Variants in PABPC4L observed in about 807,000 individuals in gnomAD.
PABPC4L encodes poly(A) binding protein cytoplasmic 4 like, also known as polyadenylate-binding protein 4-like.
For synonymous variants in PABPC4L, 169 were observed against 164.1 expected, an observed-to-expected ratio of 1.03 and a Z score of -0.23; for missense variants, 452 against 451.4, an observed-to-expected ratio of 1.00 and a Z score of -0.01.
the PABPC4L span, among the ~76,000 whole-genome samples, chr4:133,951,341 A>C: frequency 6.6e-6 from 1 of 152,298 alleles, no homozygotes; most frequent in Admixed American, 6.5e-5. Context: ...TCTGTTGTTA[A>C]GACCAAATCA....
chr4:134,101,939 A>G, the PABPC4L span, among the ~76,000 whole-genome samples: 22 of 151,572 alleles, frequency 1.5e-4, no homozygotes, highest in African/African-American at 5.3e-4. Context: ...ATATGTCACC[A>G]TATTACTATC....
the PABPC4L span, among the ~76,000 whole-genome samples, chr4:134,180,923 T>C: frequency 6.6e-6 from 1 of 151,684 alleles, no homozygotes; most frequent in Non-Finnish European, 1.5e-5. Context: ...AGGGCCAGAA[T>C]AATCCATAAC....
At chr4:134,021,823 T>C in the PABPC4L span, among the ~76,000 whole-genome samples, 1 of 152,134 alleles carries the variant, frequency 6.6e-6, no homozygotes, top group Non-Finnish European at 1.5e-5. Flanking sequence ...GACATTTTTT[T>C]CTGCCTTTGG....
the PABPC4L span, among the ~76,000 whole-genome samples, chr4:134,035,914 T>C: frequency 1.3e-5 from 2 of 152,068 alleles, no homozygotes; most frequent in African/African-American, 4.8e-5. Context: ...CTTTAAATTA[T>C]ATGGCCTTAT....
In PABPC4L at chr4:134,198,076, G is replaced by T. The variant is rs1729721889; in HGVS notation, c.*1831C>A. On this transcript the variant is annotated 3_prime_UTR_variant, in exon 2 of 2. Coordinates refer to ENST00000421491, the MANE Select transcript of PABPC4L (RefSeq NM_001114734.2). ...CTAGCAACAAGAAGTTTATCAATAAGAAATTAGTTATATTTTGGTACAGTC... is the reference window on the plus strand; with the variant it reads ...CTAGCAACAAGAAGTTTATCAATAATAAATTAGTTATATTTTGGTACAGTC... The T allele has an allele frequency of 1.3e-5, 2 of 151,656 alleles. No individual in the cohort carries two copies. Among genetic ancestry groups the T allele is most frequent in the African/African-American group, 4.8e-5 (2 of 41,400 alleles). The allele number at this position is 151,656 out of a possible 1,614,324, so 9.4% of individuals were successfully genotyped here.
the PABPC4L span, among the ~76,000 whole-genome samples, chr4:134,024,923 ATTTTTT>A: frequency 6.7e-4 from 86 of 128,488 alleles, no homozygotes; most frequent in Non-Finnish European, 1.3e-3. Flanking sequence ...TAATTATGTA[ATTTTTT>A]TTTTTTTTTT....
chr4:133,969,610 T>C, the PABPC4L span, among the ~76,000 whole-genome samples: 3 of 152,188 alleles, frequency 2.0e-5, no homozygotes, highest in Non-Finnish European at 4.4e-5. Context: ...ACTGCATCAA[T>C]GTGGTCACAG....
the PABPC4L span, among the ~76,000 whole-genome samples, chr4:134,045,132 CATT>C: frequency 2.0e-5 from 3 of 152,070 alleles, no homozygotes; most frequent in Non-Finnish European, 4.4e-5. Context: ...ACTTTACTAA[CATT>C]ATGCATTTCT....
the PABPC4L span, among the ~76,000 whole-genome samples, chr4:134,179,216 T>C: frequency 7.9e-5 from 12 of 152,070 alleles, no homozygotes; most frequent in African/African-American, 2.7e-4. Context: ...AGAAACTCTA[T>C]GAGCCAGATA....
chr4:134,185,666 A>G, the PABPC4L span, among the ~76,000 whole-genome samples: 1 of 152,132 alleles, frequency 6.6e-6, no homozygotes, highest in African/African-American at 2.4e-5. Flanking sequence ...TATTCAACAT[A>G]GTGTTGGAAG....
chr4:134,175,105 T>C, the PABPC4L span, among the ~76,000 whole-genome samples: 6 of 152,144 alleles, frequency 3.9e-5, no homozygotes, highest in Admixed American at 3.9e-4. Flanking sequence ...CTTCAGAACA[T>C]AGTAAAACAT....
the PABPC4L span, among the ~76,000 whole-genome samples, chr4:133,951,698 G>T: frequency 0.19 from 28,641 of 152,074 alleles, 3,154 homozygotes; most frequent in Middle Eastern, 0.26. Flanking sequence ...ACTGGGGTTG[G>T]GATGAGGGCT....
the PABPC4L span, among the ~76,000 whole-genome samples, chr4:134,112,606 C>A: frequency 4.8e-5 from 7 of 145,602 alleles, no homozygotes; most frequent in African/African-American, 1.9e-4. Flanking sequence ...ATCTATCTAT[C>A]TATCTATCTA....
chr4:134,143,274 C>T, the PABPC4L span, among the ~76,000 whole-genome samples: 1 of 149,534 alleles, frequency 6.7e-6, no homozygotes, highest in Non-Finnish European at 1.5e-5. Flanking sequence ...AATAAGCATA[C>T]TAAATATAAT....
the PABPC4L span, among the ~76,000 whole-genome samples, chr4:134,084,949 G>A: frequency 2.6e-5 from 4 of 152,052 alleles, no homozygotes; most frequent in African/African-American, 9.7e-5. Context: ...AAAACCCTCA[G>A]CAAAGGGAAA....
the PABPC4L span, among the ~76,000 whole-genome samples, chr4:134,159,132 T>C: frequency 2.3e-4 from 35 of 152,252 alleles, no homozygotes; most frequent in East Asian, 6.2e-3. Flanking sequence ...GGCGAGTGAA[T>C]GTAAAGGCCT....
chr4:134,120,231 A>T, the PABPC4L span, among the ~76,000 whole-genome samples: 1 of 146,098 alleles, frequency 6.8e-6, no homozygotes, highest in African/African-American at 2.5e-5. Flanking sequence ...AGCCCTAACC[A>T]GCACTTGGTA....
chr4:133,952,672 T>G, the PABPC4L span, among the ~76,000 whole-genome samples: 1 of 152,250 alleles, frequency 6.6e-6, no homozygotes, highest in Non-Finnish European at 1.5e-5. Flanking sequence ...AATCCTCCCC[T>G]GTTGCCTTCC....
the PABPC4L span, among the ~76,000 whole-genome samples, chr4:133,966,765 C>T: frequency 6.6e-6 from 1 of 151,566 alleles, no homozygotes; most frequent in Non-Finnish European, 1.5e-5. Flanking sequence ...TATGAGGACA[C>T]AAAGACATAA....
Sources: allele counts gnomAD v4.1 joint callset (sites outside exome capture counted in the v4.1 genomes callset), GRCh38; gene constraint gnomAD v4.1.1; transcripts MANE v1.5; gene names NCBI Gene and HGNC (gene_info 2026-07-23, HGNC 2026-07-21).